Variants in MIGA2 observed in about 807,000 individuals in gnomAD.
MIGA2 encodes family with sequence similarity 73, member B.
A neutral mutation model predicts 69.9 loss-of-function variants in MIGA2; 36 were observed. That is an observed-to-expected ratio of 0.52 (90% CI 0.39 to 0.68). MIGA2 has a LOEUF of 0.68. Ranked by LOEUF, MIGA2 falls within the 30% of genes least tolerant of loss-of-function variation. The pLI is 0.00. For synonymous variants in MIGA2, 333 were observed against 349.2 expected (o/e 0.95, Z 0.52); for missense variants, 660 against 787.7 (o/e 0.84, Z 1.94).
intron 2 of MIGA2, 60 bp from the exon 3 acceptor site, chr9:129,042,244 C>T (rs1029725671): frequency 1.4e-4 from 213 of 1,570,006 alleles, no homozygotes; most frequent in Non-Finnish European, 1.8e-4. Flanking sequence ...CTGGGGCGGT[C>T]CTGCTGCCTT....
intron 10 of MIGA2, 38 bp from the exon 11 acceptor site, chr9:129,063,507 G>A (rs772011079): frequency 6.2e-7 from 1 of 1,610,342 alleles, no homozygotes; most frequent in Non-Finnish European, 8.5e-7. Flanking sequence ...GGACTGCCGT[G>A]CCCGGCAGCT....
chr9:129,050,140 C>T (rs1468319131), intron 6 of MIGA2, among the ~76,000 whole-genome samples, 177 bp downstream of exon 6: 3 of 152,234 alleles, frequency 2.0e-5, no homozygotes, highest in Non-Finnish European at 2.9e-5. Context: ...GCACAATGCC[C>T]GGCGCTTGGT....
rs1207804810 is a variant in MIGA2 at position 129,036,843 on chromosome 9, G to GGT, written c.-144+164_-144+165dup. On this transcript the variant is annotated intron_variant, in intron 1 of 15. Transcript: ENST00000684074. Reference sequence around the variant, plus strand: ...ACCCGGGCCGGGGACGGTGCGAGAGGGTGCCTTGCTTGGGAGCGGAACGAG... The same window carrying GGT: ...ACCCGGGCCGGGGACGGTGCGAGAGGGTGTGCCTTGCTTGGGAGCGGAACGAG... 40 of 671,726 alleles carry GGT rather than the reference G, an allele frequency of 6.0e-5. No individual in the cohort carries two copies. The African/African-American group carries it at 7.9e-4, about 13-fold the overall frequency. The allele number at this position is 671,726 out of a possible 1,614,324, so 41.6% of individuals were successfully genotyped here.
chr9:129,068,729 C>T lies in MIGA2; in HGVS notation c.1405-347C>T, dbSNP rs915735817. On this transcript the variant is annotated intron_variant, in intron 13 of 15. Transcript: ENST00000684074. This position sits in a 1 kb window ranked among gnomAD's most constrained non-coding sequence, Gnocchi z 4.1. ...AGGCAAGCAGTAACGCTCCAGCAGCCGGGCTGTGCTGCCTGGGCCCAGGCT... is the reference window on the plus strand; with the variant it reads ...AGGCAAGCAGTAACGCTCCAGCAGCTGGGCTGTGCTGCCTGGGCCCAGGCT... 19 of 416,004 alleles carry T rather than the reference C, an allele frequency of 4.6e-5. No homozygotes were observed. Among genetic ancestry groups the T allele is most frequent in the African/African-American group, 1.0e-4 (5 of 49,900 alleles). 25.8% of individuals were successfully genotyped at this position (416,004 alleles called of 1,614,324 possible).
Position 129,055,575 on chromosome 9 carries a change from G to A in MIGA2, c.676-3579G>A, listed in dbSNP as rs139607398. Among the ~76,000 whole-genome samples the A allele has an allele frequency of 2.8e-4, 43 of 152,156 alleles. 2 individuals carry two copies. The East Asian group carries it at 7.7e-3, about 27-fold the overall frequency. On this transcript the variant is annotated intron_variant, in intron 6 of 15. Coordinates refer to ENST00000684074, the MANE Select transcript of MIGA2 (RefSeq NM_001329990.2). ...TGAAAAATATCTGGCCAGGGGCCTC[G>A]CGCGGTGGCTCACGCCTGTAATCCC... is the stretch of plus-strand genomic sequence containing the variant.
At chr9:129,062,548 A>G (rs1846121114) in intron 9 of MIGA2, among the ~76,000 whole-genome samples, 1 of 150,272 alleles carries the variant, frequency 6.7e-6, no homozygotes, top group Middle Eastern at 3.4e-3. Context: ...AAAAAAAAAA[A>G]AGCAAAAAAA....
chr9:129,039,442 T>G (rs1271934200), intron 1 of MIGA2, among the ~76,000 whole-genome samples: 2 of 152,056 alleles, frequency 1.3e-5, no homozygotes, highest in Non-Finnish European at 2.9e-5. Flanking sequence ...AGATGGGGTT[T>G]CACTGTGTTA....
chr9:129,063,593 C>T lies in MIGA2; in HGVS notation c.1132C>T (p.Arg378Ter), dbSNP rs1564617539. Residue 378 changes from arginine (R) to a stop codon, truncating the protein, a stop_gained, in exon 11 of 16, where the codon CGA (arginine) becomes TGA (stop). Coordinates refer to ENST00000684074, the MANE Select transcript of MIGA2 (RefSeq NM_001329990.2). LOFTEE classifies it high-confidence loss of function. ...SNQLFFGKVG[R>*]QMVTGLMTKA... is the part of the protein sequence containing the mutation. Reference sequence around the variant, plus strand: ...CCAGCTTTTCTTCGGGAAAGTGGGCCGACAGATGGTGACAGGCCTGATGAC... The same window carrying T: ...CCAGCTTTTCTTCGGGAAAGTGGGCTGACAGATGGTGACAGGCCTGATGAC... The T allele has an allele frequency of 4.4e-6, 7 of 1,604,750 alleles. No homozygotes were observed. Among genetic ancestry groups the T allele is most frequent in the South Asian group, 1.1e-5 (1 of 90,910 alleles).
In MIGA2 at chr9:129,038,287, A is replaced by T. The variant is rs941922268; in HGVS notation, c.-144+1606A>T. ...ACTGACAGGCTCCTCAGTCCTTCCCACTCACTGGGGAGAAGCTGTTTCTTC... is the reference window on the plus strand; with the variant it reads ...ACTGACAGGCTCCTCAGTCCTTCCCTCTCACTGGGGAGAAGCTGTTTCTTC... On this transcript the variant is annotated intron_variant, in intron 1 of 15. Transcript: ENST00000684074. Among the ~76,000 whole-genome samples the T allele has an allele frequency of 2.0e-5, 3 of 151,570 alleles. No homozygotes were observed. In the East Asian group the frequency reaches 5.8e-4, roughly 29 times the overall value.
At chr9:129,037,144 C>T (rs935747266) in intron 1 of MIGA2, 3 of 773,442 alleles carry the variant, frequency 3.9e-6, no homozygotes, top group Non-Finnish European at 4.8e-6. Context: ...GCCCGGTGCC[C>T]GGCATGGTGG....
chr9:129,069,296 G>T lies in MIGA2; in HGVS notation c.1458+167G>T. 1.3e-6 allele frequency: 1 copy of T among 797,572 alleles called. No homozygotes were observed. Among genetic ancestry groups the T allele is most frequent in the Non-Finnish European group, 2.1e-6 (1 of 485,326 alleles). The allele number at this position is 797,572 out of a possible 1,614,324, so 49.4% of individuals were successfully genotyped here. On this transcript the variant is annotated intron_variant, in intron 14 of 15. Transcript: ENST00000684074. The surrounding 1 kb of genome is among the most constrained non-coding windows in gnomAD (Gnocchi z 4.9). ...TCCCTGTGCCAGGAGCTCCCTGGAG[G>T]CTCGTGTAGACCCACTTCCTCTCCT...
intron 2 of MIGA2, 72 bp downstream of exon 2, chr9:129,040,762 C>A (rs913693818): frequency 7.2e-7 from 1 of 1,384,952 alleles, no homozygotes; most frequent in Non-Finnish European, 1.0e-6. Context: ...TCCTCCGTGT[C>A]CAGGAACGCT....
Position 129,042,424 on chromosome 9 carries a change from A to G in MIGA2, c.217A>G (p.Lys73Glu). The G allele has an allele frequency of 6.2e-7, 1 of 1,613,412 alleles. No individual in the cohort carries two copies. ...HQLKRRRRRKKQVGPEMGGEQ... is the reference protein window; with the variant it reads ...HQLKRRRRRKEQVGPEMGGEQ... ...GCTGAAGAGGCGACGGAGGAGGAAG[A>G]AGCAGGTTGGTCCCGAGATGGGAGG... The change falls in exon 3 of 16, where the codon AAG (lysine) becomes GAG (glutamate). Residue 73 changes from lysine to glutamate, a missense_variant. This residue lies in a region of MIGA2 where 386 missense variants were observed against 402.0 expected (regional missense o/e 0.96). Coordinates refer to ENST00000684074, the MANE Select transcript of MIGA2 (RefSeq NM_001329990.2).
intron 6 of MIGA2, among the ~76,000 whole-genome samples, chr9:129,056,238 A>G (rs1845792169): frequency 1.3e-5 from 2 of 152,178 alleles, no homozygotes; most frequent in African/African-American, 4.8e-5. Flanking sequence ...AGCAAACATT[A>G]AATGTTGCAC....
rs1224031865 is a variant in MIGA2, at chr9:129,068,366, G to A, written c.1404+34G>A. 1.3e-6 allele frequency: 2 copies of A among 1,597,972 alleles called. No individual in the cohort carries two copies. Among genetic ancestry groups the A allele is most frequent in the South Asian group, 1.1e-5 (1 of 90,686 alleles). On this transcript the variant is annotated intron_variant, in intron 13 of 15. Coordinates refer to ENST00000684074, the MANE Select transcript of MIGA2 (RefSeq NM_001329990.2). This position sits in a 1 kb window ranked among gnomAD's most constrained non-coding sequence, Gnocchi z 4.1. Reference sequence around the variant, plus strand: ...CTGCCCTGCTCTCAGACCCACACTTGCTCACATCAGCCCGTGTGGTTGCCT... The same window carrying A: ...CTGCCCTGCTCTCAGACCCACACTTACTCACATCAGCCCGTGTGGTTGCCT...
At chr9:129,055,374 A>G (rs1845743369) in intron 6 of MIGA2, among the ~76,000 whole-genome samples, 1 of 151,912 alleles carries the variant, frequency 6.6e-6, no homozygotes, top group Non-Finnish European at 1.5e-5. Context: ...CGCTGTGCCC[A>G]GCCAATTTGT....
chr9:129,037,389 A>G (rs1412635349), intron 1 of MIGA2, among the ~76,000 whole-genome samples: 1 of 152,108 alleles, frequency 6.6e-6, no homozygotes, highest in Non-Finnish European at 1.5e-5. Context: ...CTAAGATTGT[A>G]GGGCACAAGA....
At position 129,061,163 on chromosome 9, in the gene MIGA2, G is replaced by T. The variant is rs1248715055; in HGVS notation, c.895-68G>T. The T allele has an allele frequency of 1.5e-6, 2 of 1,372,322 alleles. No homozygotes were observed. Among genetic ancestry groups the T allele is most frequent in the Non-Finnish European group, 2.0e-6 (2 of 983,550 alleles). The allele number at this position is 1,372,322 out of a possible 1,614,324, so 85.0% of individuals were successfully genotyped here. A position where few individuals can be genotyped will look rare whatever the true frequency, so the allele number is the denominator to read the frequency against. On this transcript the variant is annotated intron_variant, in intron 8 of 15. Transcript: ENST00000684074. The surrounding 1 kb of genome is among the most constrained non-coding windows in gnomAD (Gnocchi z 5.0). ...GCCGCTGTGGCCGACCAATGGGCAGGTGCCCTTGCGCCGTGGCGTGCTGCT... is the reference window on the plus strand; with the variant it reads ...GCCGCTGTGGCCGACCAATGGGCAGTTGCCCTTGCGCCGTGGCGTGCTGCT...
chr9:129,041,327 G>A (rs1028098114), intron 2 of MIGA2, among the ~76,000 whole-genome samples: 3 of 148,058 alleles, frequency 2.0e-5, no homozygotes, highest in Non-Finnish European at 4.5e-5. Context: ...GCGAGACTCC[G>A]CCTCAAAAAA....
Sources: allele counts gnomAD v4.1 joint callset (sites outside exome capture counted in the v4.1 genomes callset), GRCh38; gene constraint gnomAD v4.1.1; regional missense constraint gnomAD v4.1.1; non-coding constraint Gnocchi (gnomAD v3.1); transcripts MANE v1.5; gene names NCBI Gene and HGNC (gene_info 2026-07-23, HGNC 2026-07-21).